Variants in KCNMA1 observed in about 807,000 individuals in gnomAD.
KCNMA1 encodes Calcium-activated potassium channel subunit alpha-1.
Under a neutral mutation model 140.0 loss-of-function variants are expected in KCNMA1, and 29 were observed. That is an observed-to-expected ratio of 0.21 (90% CI 0.15 to 0.28). The LOEUF (loss-of-function observed/expected upper bound fraction) is 0.28. Among genes scored for constraint, KCNMA1 ranks in the 10% least tolerant of loss-of-function variants. The pLI is 1.00. For missense variants in KCNMA1, 880 were observed against 1,602.2 expected, an observed-to-expected ratio of 0.55 and a Z score of 7.70; for synonymous variants, 612 against 611.9, an observed-to-expected ratio of 1.00 and a Z score of 0.00.
At chr10:77,235,345 T>A (rs141899295) in intron 3 of KCNMA1, among the ~76,000 whole-genome samples, 2 of 152,150 alleles carry the variant, frequency 1.3e-5, no homozygotes, top group East Asian at 1.9e-4. Context: ...TTTGACCTCA[T>A]CAAGTTTTAC....
At chr10:77,008,841 C>T (rs183079528) in intron 18 of KCNMA1, among the ~76,000 whole-genome samples, 205 of 152,362 alleles carry the variant, frequency 1.3e-3, no homozygotes, top group African/African-American at 4.7e-3. Flanking sequence ...AATGTCTGTT[C>T]GAAGGCATGG....
chr10:77,529,561 T>C (rs1314817437), intron 1 of KCNMA1, among the ~76,000 whole-genome samples: 2 of 152,104 alleles, frequency 1.3e-5, no homozygotes, highest in Non-Finnish European at 2.9e-5. Flanking sequence ...TTTACTCTTA[T>C]ACCCTTAGAG....
chr10:76,935,413 A>C (rs1325396857), intron 23 of KCNMA1, among the ~76,000 whole-genome samples: 2 of 152,228 alleles, frequency 1.3e-5, no homozygotes, highest in Non-Finnish European at 2.9e-5. Flanking sequence ...TGTGCCGAGA[A>C]AAGCATAGAC....
chr10:76,885,695 G>A lies in KCNMA1; in HGVS notation c.*1571C>T, dbSNP rs10762733. The A allele has an allele frequency of 0.55, 542,955 of 984,658 alleles. 151,938 individuals carry two copies. The highest frequency in any genetic ancestry group is 0.57 in the Middle Eastern group (1,098 of 1,914). The allele number at this position is 984,658 out of a possible 1,614,324, so 61.0% of individuals were successfully genotyped here. A position where few individuals can be genotyped will look rare whatever the true frequency, so the allele number is the denominator to read the frequency against. ...TATACCAGCCTAGTCCATCCATAAGGGAAATTGGTTATGGTGAATTGGCCA... is the reference window on the plus strand; with the variant it reads ...TATACCAGCCTAGTCCATCCATAAGAGAAATTGGTTATGGTGAATTGGCCA... On this transcript the variant is annotated 3_prime_UTR_variant, in exon 28 of 28. Coordinates refer to ENST00000286628, the MANE Select transcript of KCNMA1 (RefSeq NM_001161352.2).
intron 1 of KCNMA1, among the ~76,000 whole-genome samples, chr10:77,415,827 C>T (rs79635093): frequency 7.2e-5 from 11 of 152,206 alleles, no homozygotes; most frequent in African/African-American, 9.7e-5. Flanking sequence ...CTCAGTACAG[C>T]GCACTGTGTG....
chr10:77,027,976 C>G (rs559629338), intron 15 of KCNMA1, 85 bp from the exon 16 acceptor site: 9 of 1,212,542 alleles, frequency 7.4e-6, no homozygotes, highest in Middle Eastern at 1.9e-4. Context: ...CTTTCGGTCT[C>G]CTAATGCAGT....
intron 5 of KCNMA1, among the ~76,000 whole-genome samples, chr10:77,146,209 C>T (rs1371931121): frequency 1.3e-5 from 2 of 152,128 alleles, no homozygotes; most frequent in African/African-American, 2.4e-5. Context: ...CACCAGCCCC[C>T]AAAAGAAATT....
chr10:77,084,517 T>C (rs1451010612), intron 12 of KCNMA1, 120 bp downstream of exon 12: 8 of 800,126 alleles, frequency 1.0e-5, no homozygotes, highest in Non-Finnish European at 4.2e-6. Flanking sequence ...TGGTGAGTTG[T>C]ACAGTGGCTT....
intron 19 of KCNMA1, among the ~76,000 whole-genome samples, chr10:76,992,933 A>G (rs932332438): frequency 2.0e-5 from 3 of 152,210 alleles, no homozygotes; most frequent in Non-Finnish European, 2.9e-5. Flanking sequence ...TGGGATGTGA[A>G]GCACTTTATT....
chr10:76,896,123 C>A (rs924964100), intron 25 of KCNMA1, among the ~76,000 whole-genome samples: 2 of 152,136 alleles, frequency 1.3e-5, no homozygotes, highest in East Asian at 1.9e-4. Context: ...AGCCTGGGGG[C>A]GCTGCAGGAG....
At chr10:77,338,079 A>C (rs979500845) in intron 2 of KCNMA1, among the ~76,000 whole-genome samples, 2 of 152,168 alleles carry the variant, frequency 1.3e-5, no homozygotes, top group South Asian at 2.1e-4. Flanking sequence ...TCATGTCAGG[A>C]GGAGCTCCAG....
intron 2 of KCNMA1, among the ~76,000 whole-genome samples, chr10:77,326,019 T>C (rs2084056850): frequency 6.6e-6 from 1 of 152,150 alleles, no homozygotes; most frequent in Admixed American, 6.5e-5. Flanking sequence ...CCCCCATTTC[T>C]AAGGACAGGA....
chr10:77,619,490 C>T (rs1260781211), intron 1 of KCNMA1, among the ~76,000 whole-genome samples: 1 of 152,168 alleles, frequency 6.6e-6, no homozygotes, highest in Non-Finnish European at 1.5e-5. Flanking sequence ...ATCATTTCCA[C>T]CACAATCCAT....
intron 3 of KCNMA1, among the ~76,000 whole-genome samples, chr10:77,237,140 A>T (rs1353068492): frequency 2.0e-5 from 3 of 152,236 alleles, no homozygotes; most frequent in African/African-American, 7.2e-5. Context: ...AAAGTTTCAA[A>T]ACAGACCTCA....
At chr10:77,036,571 A>G (rs1208426320) in intron 15 of KCNMA1, among the ~76,000 whole-genome samples, 1 of 152,218 alleles carries the variant, frequency 6.6e-6, no homozygotes, top group Non-Finnish European at 1.5e-5. Context: ...GAAAATCTGT[A>G]TATTTTATCT....
intron 1 of KCNMA1, among the ~76,000 whole-genome samples, chr10:77,429,666 C>T (rs2097106083): frequency 6.6e-6 from 1 of 152,156 alleles, no homozygotes; most frequent in Admixed American, 6.5e-5. Context: ...ATAAGAAGAA[C>T]ACTATTTAAT....
At chr10:77,321,696 A>C (rs1403457339) in intron 2 of KCNMA1, among the ~76,000 whole-genome samples, 1 of 151,980 alleles carries the variant, frequency 6.6e-6, no homozygotes, top group Non-Finnish European at 1.5e-5. Flanking sequence ...GTCTATTTTT[A>C]ATTCCTTTCT....
intron 20 of KCNMA1, among the ~76,000 whole-genome samples, chr10:76,960,264 G>C (rs1055976506): frequency 6.6e-5 from 10 of 152,220 alleles, no homozygotes; most frequent in Admixed American, 5.2e-4. Flanking sequence ...GCATGGCCAA[G>C]TATGGTGGCT....
chr10:77,582,876 G>T (rs2076251615), intron 1 of KCNMA1, among the ~76,000 whole-genome samples: 1 of 152,248 alleles, frequency 6.6e-6, no homozygotes, highest in African/African-American at 2.4e-5. Flanking sequence ...AAGGCATGGG[G>T]CAAGCCACCA....
Sources: gnomAD v4.1 joint callset for allele counts (sites outside exome capture counted in the v4.1 genomes callset) on GRCh38, gnomAD v4.1.1 for gene constraint, MANE v1.5 for transcripts, NCBI Gene and HGNC (gene_info 2026-07-23, HGNC 2026-07-21) for gene names.